Variants in UBL3 observed in about 807,000 individuals in gnomAD.
UBL3 encodes ubiquitin-like protein 3.
UBL3 carries 6 observed loss-of-function variants against 18.4 expected under a neutral mutation model. The observed-to-expected ratio is 0.33, with a 90% CI of 0.18 to 0.64. UBL3 has a LOEUF of 0.64. UBL3 is among the 30% of genes least tolerant of loss of function. UBL3 has a pLI of 0.76. For missense variants in UBL3, 109 were observed against 142.9 expected (o/e 0.76, Z 1.21); for synonymous variants, 49 against 46.6 (o/e 1.05, Z -0.21).
intron 3 of UBL3, among the ~76,000 whole-genome samples, chr13:29,769,241 A>G (rs1300132928): frequency 2.0e-5 from 3 of 152,130 alleles, no homozygotes; most frequent in African/African-American, 7.2e-5. Context: ...AAAAATGTCA[A>G]GACAGGCCTG....
At chr13:29,814,958 A>G (rs925838253) in intron 1 of UBL3, among the ~76,000 whole-genome samples, 4 of 152,194 alleles carry the variant, frequency 2.6e-5, no homozygotes, top group Non-Finnish European at 5.9e-5. Flanking sequence ...GGCCAGTAGA[A>G]AACGAATTAG....
At chr13:29,777,845 C>T (rs1358538435) in intron 1 of UBL3, among the ~76,000 whole-genome samples, 5 of 152,276 alleles carry the variant, frequency 3.3e-5, no homozygotes, top group Admixed American at 3.3e-4. Flanking sequence ...TGGCTCACTG[C>T]AACCTCGGCC....
chr13:29,840,931 G>A (rs1879084964), intron 1 of UBL3, among the ~76,000 whole-genome samples: 1 of 152,108 alleles, frequency 6.6e-6, no homozygotes, highest in Non-Finnish European at 1.5e-5. Context: ...AATATAGGCT[G>A]AGCTTTAAAT....
chr13:29,767,028 T>A lies in UBL3; in HGVS notation c.*227A>T. On this transcript the variant is annotated 3_prime_UTR_variant, in exon 5 of 5. Coordinates refer to ENST00000380680, the MANE Select transcript of UBL3 (RefSeq NM_007106.4). Reference sequence around the variant, plus strand: ...TTGACTGCATTCAAAAACCAATATGTGTTAAAACAGCTCAACAAAAAATAC... The same window carrying A: ...TTGACTGCATTCAAAAACCAATATGAGTTAAAACAGCTCAACAAAAAATAC... 2.4e-6 allele frequency: 1 copy of A among 423,538 alleles called. No individual in the cohort carries two copies. The highest frequency in any genetic ancestry group is 4.2e-6 in the Non-Finnish European group (1 of 240,908). 26.2% of individuals were successfully genotyped at this position (423,538 alleles called of 1,614,324 possible). A position where few individuals can be genotyped will look rare whatever the true frequency, so the allele number is the denominator to read the frequency against.
chr13:29,792,785 G>T (rs1219306415), intron 1 of UBL3, among the ~76,000 whole-genome samples: 1 of 152,054 alleles, frequency 6.6e-6, no homozygotes, highest in African/African-American at 2.4e-5. Flanking sequence ...AATTTACTTA[G>T]AATTGGTATG....
Position 29,764,716 on chromosome 13 carries a change from G to A in UBL3, c.*2539C>T, listed in dbSNP as rs1300849661. On this transcript the variant is annotated 3_prime_UTR_variant, in exon 5 of 5. Coordinates refer to ENST00000380680, the MANE Select transcript of UBL3 (RefSeq NM_007106.4). ...AGGACAATTTAGGTAAAAGAGATGAGTGAGACACCAGCGTTAGGCAGGGAC... is the reference window on the plus strand; with the variant it reads ...AGGACAATTTAGGTAAAAGAGATGAATGAGACACCAGCGTTAGGCAGGGAC... 6.6e-6 allele frequency: 1 copy of A among 152,222 alleles called. No homozygotes were observed. The highest frequency in any genetic ancestry group is 2.4e-5 in the African/African-American group (1 of 41,458). 9.4% of individuals were successfully genotyped at this position (152,222 alleles called of 1,614,324 possible). A position where few individuals can be genotyped will look rare whatever the true frequency, so the allele number is the denominator to read the frequency against.
intron 1 of UBL3, among the ~76,000 whole-genome samples, chr13:29,799,320 A>G (rs1452349971): frequency 1.3e-5 from 2 of 152,248 alleles, no homozygotes; most frequent in Non-Finnish European, 2.9e-5. Flanking sequence ...TAAGTAATGT[A>G]TTACTTAATT....
Position 29,765,184 on chromosome 13 carries a change from GAT to G in UBL3, c.*2069_*2070del, listed in dbSNP as rs1357109880. The G allele has an allele frequency of 4.6e-5, 7 of 151,890 alleles. No homozygotes were observed. The highest frequency in any genetic ancestry group is 8.8e-5 in the Non-Finnish European group (6 of 67,962). The allele number at this position is 151,890 out of a possible 1,614,324, so 9.4% of individuals were successfully genotyped here. On this transcript the variant is annotated 3_prime_UTR_variant, in exon 5 of 5. Coordinates refer to ENST00000380680, the MANE Select transcript of UBL3 (RefSeq NM_007106.4). ...CATAAAAACTCAATCTTAATTAACT[GAT>G]AGTCTTTAACTTAAAAAAAGAGTAA...
Position 29,764,380 on chromosome 13 carries a change from G to A in UBL3, c.*2875C>T, listed in dbSNP as rs1375195363. 1.3e-5 allele frequency: 2 copies of A among 152,124 alleles called. No individual in the cohort carries two copies. The highest frequency in any genetic ancestry group is 4.8e-5 in the African/African-American group (2 of 41,432). 9.4% of individuals were successfully genotyped at this position (152,124 alleles called of 1,614,324 possible). A position where few individuals can be genotyped will look rare whatever the true frequency, so the allele number is the denominator to read the frequency against. ...GGCAAATACACCAGAATTATGAATA[G>A]AAGCCATTTTAAAGAAGAGAAATAT... On this transcript the variant is annotated 3_prime_UTR_variant, in exon 5 of 5. Coordinates refer to ENST00000380680, the MANE Select transcript of UBL3 (RefSeq NM_007106.4).
intron 1 of UBL3, among the ~76,000 whole-genome samples, chr13:29,844,354 A>T: frequency 6.6e-6 from 1 of 152,166 alleles, no homozygotes. Flanking sequence ...TTACTGATCT[A>T]GTGAAGGGGC....
chr13:29,793,935 C>T (rs1030417672), intron 1 of UBL3, among the ~76,000 whole-genome samples: 1 of 152,156 alleles, frequency 6.6e-6, no homozygotes, highest in African/African-American at 2.4e-5. Flanking sequence ...ACCTCCACCC[C>T]CCAGGTTCAA....
At chr13:29,796,242 ATTT>A (rs1388686550) in intron 1 of UBL3, among the ~76,000 whole-genome samples, 1 of 152,170 alleles carries the variant, frequency 6.6e-6, no homozygotes, top group African/African-American at 2.4e-5. Flanking sequence ...GTTTAATTTT[ATTT>A]TTTAATTAAT....
intron 1 of UBL3, among the ~76,000 whole-genome samples, chr13:29,841,628 T>C (rs1031916670): frequency 1.3e-5 from 2 of 152,106 alleles, no homozygotes; most frequent in Non-Finnish European, 1.5e-5. Flanking sequence ...TGGAGCAAGG[T>C]ATTGGGAAGG....
intron 1 of UBL3, among the ~76,000 whole-genome samples, chr13:29,786,727 A>G (rs1396435520): frequency 2.0e-5 from 3 of 151,214 alleles, no homozygotes; most frequent in African/African-American, 7.3e-5. Context: ...AATGGATGGA[A>G]GAAGCTACGG....
chr13:29,785,280 A>T (rs1002216870), intron 1 of UBL3, among the ~76,000 whole-genome samples: 1 of 152,194 alleles, frequency 6.6e-6, no homozygotes, highest in African/African-American at 2.4e-5. Context: ...AACTGGGTGA[A>T]CAGTGTTGGG....
At chr13:29,844,929 C>A (rs527356462) in intron 1 of UBL3, among the ~76,000 whole-genome samples, 1 of 52,110 alleles carries the variant, frequency 1.9e-5, no homozygotes, top group African/African-American at 6.9e-5. Context: ...ACTATTACTA[C>A]GGAACAATAT....
At chr13:29,767,469 G>T (rs1463621705) in intron 4 of UBL3, 149 bp downstream of exon 4, 2 of 1,178,576 alleles carry the variant, frequency 1.7e-6, no homozygotes, top group Non-Finnish European at 1.2e-6. Flanking sequence ...ATTTTAGCAT[G>T]TTTCAAAAAT....
intron 3 of UBL3, 128 bp downstream of exon 3, chr13:29,771,983 GA>G: frequency 1.3e-6 from 1 of 795,514 alleles, no homozygotes; most frequent in Non-Finnish European, 2.0e-6. Context: ...AGGCATACCA[GA>G]AATAGGCAGA....
At chr13:29,813,102 C>T (rs1410019819) in intron 1 of UBL3, among the ~76,000 whole-genome samples, 3 of 151,884 alleles carry the variant, frequency 2.0e-5, no homozygotes, top group Non-Finnish European at 4.4e-5. Flanking sequence ...TTTATAAGGG[C>T]CTATGTAAGA....
Sources: allele counts gnomAD v4.1 joint callset (sites outside exome capture counted in the v4.1 genomes callset), GRCh38; gene constraint gnomAD v4.1.1; transcripts MANE v1.5; gene names NCBI Gene and HGNC (gene_info 2026-07-23, HGNC 2026-07-21).